CFAP299: variants seen among roughly 807,000 people sequenced by gnomAD.
CFAP299 encodes cilia- and flagella-associated protein 299.
Under a neutral mutation model 27.0 loss-of-function variants are expected in CFAP299, and 21 were observed. The ratio of observed to expected loss-of-function variants is 0.78; its 90% CI spans 0.55 to 1.12. The LOEUF is 1.12. Among genes scored for constraint, CFAP299 ranks in the 50% most tolerant of loss-of-function variants. The pLI is 0.00. For missense variants in CFAP299, 310 were observed against 276.6 expected, an observed-to-expected ratio of 1.12 and a Z score of -0.86; for synonymous variants, 104 against 98.1, an observed-to-expected ratio of 1.06 and a Z score of -0.36.
chr4:80,612,665 A>T (rs548289467), intron 3 of CFAP299, among the ~76,000 whole-genome samples: 5 of 152,250 alleles, frequency 3.3e-5, no homozygotes, highest in African/African-American at 1.2e-4. Flanking sequence ...GGTTTAATTT[A>T]AACTATTTCA....
chr4:80,380,128 A>G (rs568388959), intron 2 of CFAP299, among the ~76,000 whole-genome samples: 1 of 152,290 alleles, frequency 6.6e-6, no homozygotes, highest in Non-Finnish European at 1.5e-5. Context: ...TTCTTGAAAT[A>G]AAATTGAGCT....
Position 80,335,866 on chromosome 4 carries a change from T to C in CFAP299, c.98T>C (p.Leu33Ser). 13 of 1,606,456 alleles carry C rather than the reference T, an allele frequency of 8.1e-6. No individual in the cohort carries two copies. Among genetic ancestry groups the C allele is most frequent in the Non-Finnish European group, 1.1e-5 (13 of 1,172,972 alleles). Residue 33 changes from leucine to serine, a missense_variant, in exon 1 of 6, where the codon TTG becomes TCG. Physicochemically the swap from Leu to Ser is moderately radical, Grantham distance 145. Transcript: ENST00000358105. Reference protein sequence around the residue: ...FLDSQITTVDLYYLEDETLAR... With the variant: ...FLDSQITTVDSYYLEDETLAR... Reference sequence around the variant, plus strand: ...GACTCGCAGATCACTACTGTGGACTTGTACTACCTGGAGGTAAGGGCGGAG... The same window carrying C: ...GACTCGCAGATCACTACTGTGGACTCGTACTACCTGGAGGTAAGGGCGGAG...
intron 3 of CFAP299, among the ~76,000 whole-genome samples, chr4:80,737,661 C>T (rs1371071248): frequency 6.6e-6 from 1 of 151,554 alleles, no homozygotes; most frequent in East Asian, 1.9e-4. Flanking sequence ...TCTTAGTATC[C>T]TCTGTCTTTT....
Position 80,420,472 on chromosome 4 carries a change from A to G in CFAP299, c.242+57588A>G, listed in dbSNP as rs1727240521. On this transcript the variant is annotated intron_variant, in intron 2 of 5. Coordinates refer to ENST00000358105, the MANE Select transcript of CFAP299 (RefSeq NM_152770.3). ...ATAACAGCCATTCTAACAAATGTGA[A>G]GTGATATTTCTTTGTGGTTTTAATT... The G allele has an allele frequency of 1.8e-5, 5 of 280,424 alleles. No homozygotes were observed. In the South Asian group the frequency reaches 1.8e-4, roughly 10 times the overall value. 17.4% of individuals were successfully genotyped at this position (280,424 alleles called of 1,614,324 possible). A position where few individuals can be genotyped will look rare whatever the true frequency, so the allele number is the denominator to read the frequency against.
At chr4:80,762,406 A>G (rs893621104) in intron 3 of CFAP299, among the ~76,000 whole-genome samples, 1 of 152,118 alleles carries the variant, frequency 6.6e-6, no homozygotes, top group African/African-American at 2.4e-5. Context: ...TCATACTTGC[A>G]AAAACATCTT....
At chr4:80,785,082 T>C (rs909775876) in intron 3 of CFAP299, among the ~76,000 whole-genome samples, 2 of 151,964 alleles carry the variant, frequency 1.3e-5, no homozygotes, top group African/African-American at 4.8e-5. Flanking sequence ...TGAGCTTTTA[T>C]TGTGTGATAT....
intron 2 of CFAP299, among the ~76,000 whole-genome samples, chr4:80,417,676 C>G (rs574197868): frequency 6.6e-6 from 1 of 152,308 alleles, no homozygotes; most frequent in East Asian, 1.9e-4. Flanking sequence ...CTGCATCTCA[C>G]TTCAGATGAA....
At chr4:80,751,006 C>T (rs1489204614) in intron 3 of CFAP299, among the ~76,000 whole-genome samples, 2 of 152,148 alleles carry the variant, frequency 1.3e-5, no homozygotes, top group Non-Finnish European at 2.9e-5. Flanking sequence ...CCTTCTGAAA[C>T]CTACTTTTCT....
chr4:80,583,741 A>G (rs764592520), intron 3 of CFAP299, among the ~76,000 whole-genome samples: 34 of 152,112 alleles, frequency 2.2e-4, no homozygotes, highest in Admixed American at 1.1e-3. Flanking sequence ...ATAAAGATTT[A>G]CTTTCACACT....
At chr4:80,795,149 C>A (rs932821495) in intron 3 of CFAP299, among the ~76,000 whole-genome samples, 1 of 152,180 alleles carries the variant, frequency 6.6e-6, no homozygotes, top group African/African-American at 2.4e-5. Context: ...TGAGCACTCA[C>A]ATGGGATACA....
intron 2 of CFAP299, among the ~76,000 whole-genome samples, chr4:80,534,770 T>C (rs1157456075): frequency 6.6e-6 from 1 of 152,188 alleles, no homozygotes; most frequent in Non-Finnish European, 1.5e-5. Context: ...AGGACAAAGA[T>C]ATCTTATGAG....
chr4:80,416,058 TTACTC>T (rs1374838777), intron 2 of CFAP299, among the ~76,000 whole-genome samples: 1 of 152,114 alleles, frequency 6.6e-6, no homozygotes, highest in African/African-American at 2.4e-5. Context: ...ATAGGAGAAA[TTACTC>T]TAAAGCCTTT....
intron 2 of CFAP299, among the ~76,000 whole-genome samples, chr4:80,404,269 A>G (rs889931774): frequency 1.3e-5 from 2 of 152,000 alleles, no homozygotes; most frequent in African/African-American, 2.4e-5. Flanking sequence ...CCTATTTTTT[A>G]TTTGTGATAA....
intron 3 of CFAP299, among the ~76,000 whole-genome samples, chr4:80,771,325 A>G (rs906275145): frequency 2.9e-4 from 44 of 152,146 alleles, no homozygotes; most frequent in African/African-American, 1.0e-3. Flanking sequence ...TTTACCTCCC[A>G]CCAATGCAGA....
chr4:80,766,391 C>T (rs754894333), intron 3 of CFAP299, among the ~76,000 whole-genome samples: 8 of 152,106 alleles, frequency 5.3e-5, no homozygotes, highest in Non-Finnish European at 7.4e-5. Context: ...AAACAATTAT[C>T]GTGTGTTTAA....
In CFAP299 at chr4:80,553,665, A is replaced by AT. The variant is rs550831586; in HGVS notation, c.243-29421dup. Among the ~76,000 whole-genome samples, 581 of 152,008 alleles carry AT rather than the reference A, an allele frequency of 3.8e-3. 2 individuals are homozygous for AT. The highest frequency in any genetic ancestry group is 6.1e-3 in the Non-Finnish European group (414 of 67,920). On this transcript the variant is annotated intron_variant, in intron 2 of 5. Coordinates refer to ENST00000358105, the MANE Select transcript of CFAP299 (RefSeq NM_152770.3). ...CTTTTTTGCCTTGCCAGCATATGTTATTTTTTTGACTTTTTAATCATAGTC... is the reference window on the plus strand; with the variant it reads ...CTTTTTTGCCTTGCCAGCATATGTTATTTTTTTTGACTTTTTAATCATAGTC...
intron 3 of CFAP299, among the ~76,000 whole-genome samples, chr4:80,809,721 C>T (rs1453468648): frequency 6.6e-6 from 1 of 152,092 alleles, no homozygotes; most frequent in African/African-American, 2.4e-5. Flanking sequence ...TTCAGTGACT[C>T]CCATCCCTTA....
chr4:80,864,658 C>A (rs2110162654), intron 3 of CFAP299, among the ~76,000 whole-genome samples: 1 of 151,198 alleles, frequency 6.6e-6, no homozygotes, highest in East Asian at 1.9e-4. Context: ...TGTATGGCAA[C>A]CCTAACATAA....
intron 4 of CFAP299, among the ~76,000 whole-genome samples, chr4:80,935,265 A>G (rs1394731930): frequency 1.3e-5 from 2 of 152,038 alleles, no homozygotes; most frequent in Non-Finnish European, 2.9e-5. Context: ...TAAATTCCTA[A>G]GCAAAAAGAA....
Sources: gnomAD v4.1 joint callset for allele counts (sites outside exome capture counted in the v4.1 genomes callset) on GRCh38, gnomAD v4.1.1 for gene constraint, MANE v1.5 for transcripts, NCBI Gene and HGNC (gene_info 2026-07-23, HGNC 2026-07-21) for gene names.